The following DRC5 variants were observed in gnomAD, a reference collection of about 807,000 sequenced individuals.
DRC5 encodes T-complex-associated testis-expressed protein 1.
the DRC5 span, chr6:44,280,219 T>C: frequency 3.7e-6 from 6 of 1,614,200 alleles, no homozygotes; most frequent in East Asian, 4.5e-5. Flanking sequence ...GCAGTTATGG[T>C]TGACATGAAG....
chr6:44,289,431 G>A, the DRC5 span, among the ~76,000 whole-genome samples: 1 of 152,128 alleles, frequency 6.6e-6, no homozygotes, highest in East Asian at 1.9e-4. Flanking sequence ...TATATACTAT[G>A]TTTTCATATG....
At chr6:44,287,187 T>A in the DRC5 span, 43,227 of 985,000 alleles carry the variant, frequency 0.044, 1,167 homozygotes, top group East Asian at 0.17. Context: ...CAAGAGCCCT[T>A]ACATGGCATG....
chr6:44,286,280 A>T, the DRC5 span: 18 of 1,612,926 alleles, frequency 1.1e-5, no homozygotes, highest in African/African-American at 2.0e-4. Context: ...CAGGTCGAGG[A>T]TCACCGCAGG....
chr6:44,288,193 A>C, the DRC5 span, among the ~76,000 whole-genome samples: 5 of 152,328 alleles, frequency 3.3e-5, no homozygotes, highest in Non-Finnish European at 7.3e-5. Flanking sequence ...TGAAACTAGC[A>C]AGGAGCAGCC....
At chr6:44,284,075 A>G in the DRC5 span, among the ~76,000 whole-genome samples, 2 of 152,086 alleles carry the variant, frequency 1.3e-5, no homozygotes, top group South Asian at 4.1e-4. Context: ...TTATGGCTGT[A>G]CCTTTTCCCC....
chr6:44,282,059 T>C, the DRC5 span: 14 of 1,542,304 alleles, frequency 9.1e-6, no homozygotes, highest in Non-Finnish European at 1.2e-5. Flanking sequence ...CAAGTACCCC[T>C]GGCAGTTGGA....
chr6:44,280,330 A>G, the DRC5 span: 1 of 1,614,200 alleles, frequency 6.2e-7, no homozygotes, highest in South Asian at 1.1e-5. Context: ...GACAGGCGCA[A>G]GTCAAATTCC....
chr6:44,293,789 C>T, the DRC5 span, among the ~76,000 whole-genome samples: 26 of 152,316 alleles, frequency 1.7e-4, no homozygotes, highest in South Asian at 2.1e-4. Flanking sequence ...GGGAATTTCA[C>T]GGCCCTAATG....
chr6:44,286,606 C>T, the DRC5 span: 3 of 1,395,668 alleles, frequency 2.1e-6, no homozygotes, highest in African/African-American at 1.4e-5. Context: ...TCAGGCTGGG[C>T]CTGCCTGGGA....
chr6:44,282,582 C>T, the DRC5 span: 7 of 1,548,344 alleles, frequency 4.5e-6, no homozygotes, highest in South Asian at 7.2e-5. Context: ...AGAGGGTCTA[C>T]AGCAACTGCC....
the DRC5 span, among the ~76,000 whole-genome samples, chr6:44,297,227 A>C: frequency 6.6e-6 from 1 of 152,144 alleles, no homozygotes; most frequent in Non-Finnish European, 1.5e-5. Flanking sequence ...GGAGATGAGG[A>C]AGCTTCCGCA....
the DRC5 span, chr6:44,286,437 T>A: frequency 6.2e-7 from 1 of 1,614,154 alleles, no homozygotes; most frequent in Non-Finnish European, 8.5e-7. Context: ...TCACTGTCTA[T>A]CAGGTTGGCG....
At chr6:44,281,994 G>T in the DRC5 span, 2 of 946,844 alleles carry the variant, frequency 2.1e-6, no homozygotes, top group Non-Finnish European at 3.2e-6. Context: ...CAGTATGTGT[G>T]CATACTTGAT....
At chr6:44,282,440 A>G in the DRC5 span, 5 of 1,613,646 alleles carry the variant, frequency 3.1e-6, no homozygotes, top group Non-Finnish European at 2.5e-6. Flanking sequence ...CTCGTGCACC[A>G]CGGTCTCCAA....
At chr6:44,291,299 A>G in the DRC5 span, among the ~76,000 whole-genome samples, 1 of 152,270 alleles carries the variant, frequency 6.6e-6, no homozygotes, top group Non-Finnish European at 1.5e-5. Flanking sequence ...ATATTTTGGC[A>G]GGCAAATTAT....
the DRC5 span, chr6:44,280,288 C>T: frequency 6.2e-7 from 1 of 1,614,166 alleles, no homozygotes; most frequent in Admixed American, 1.7e-5. Flanking sequence ...AGGGCCTGGC[C>T]AATGAGGTAC....
At chr6:44,295,491 CAACGTCTATACCAGGACAT>C in the DRC5 span, among the ~76,000 whole-genome samples, 1 of 152,164 alleles carries the variant, frequency 6.6e-6, no homozygotes, top group Non-Finnish European at 1.5e-5. Context: ...ACACAGGGAA[CAACGTCTATACCAGGACAT>C]TAACTCAAAG....
At chr6:44,279,611 G>A in the DRC5 span, 2 of 152,616 alleles carry the variant, frequency 1.3e-5, no homozygotes, top group East Asian at 3.9e-4. Context: ...CCCCTTCCCA[G>A]GTTGGGAGTT....
the DRC5 span, chr6:44,280,433 C>T: frequency 3.4e-6 from 5 of 1,476,710 alleles, no homozygotes; most frequent in East Asian, 2.3e-5. Context: ...ACATCACTAC[C>T]CAGGATCTGA....
Sources: gnomAD v4.1 joint callset for allele counts (sites outside exome capture counted in the v4.1 genomes callset) on GRCh38, gnomAD v4.1.1 for gene constraint, MANE v1.5 for transcripts, NCBI Gene and HGNC (gene_info 2026-07-23, HGNC 2026-07-21) for gene names.